DZANK1: variants seen among roughly 807,000 people sequenced by gnomAD.
DZANK1 encodes double zinc ribbon and ankyrin repeat domains 1.
DZANK1 carries 91 observed loss-of-function variants against 94.5 expected under a neutral mutation model. The ratio of observed to expected loss-of-function variants is 0.96; its 90% CI spans 0.81 to 1.15. DZANK1 has a LOEUF of 1.15. Among genes scored for constraint, DZANK1 ranks in the 50% most tolerant of loss-of-function variants. DZANK1 has a pLI of 0.00. For missense variants in DZANK1, 903 were observed against 916.4 expected (o/e 0.99, Z 0.19); for synonymous variants, 312 against 325.3 (o/e 0.96, Z 0.44).
intron 8 of DZANK1, 140 bp downstream of exon 8, chr20:18,443,207 G>A (rs1006511427): frequency 6.0e-6 from 4 of 666,562 alleles, no homozygotes; most frequent in Non-Finnish European, 1.1e-5. Context: ...TTAAGTAGGA[G>A]TGTGTAAGAG....
At chr20:18,436,320 T>C (rs1040572327) in intron 8 of DZANK1, among the ~76,000 whole-genome samples, 7 of 150,522 alleles carry the variant, frequency 4.7e-5, no homozygotes, top group African/African-American at 1.7e-4. Context: ...GGCGGGCGCC[T>C]GTAGTCCCAG....
intron 7 of DZANK1, among the ~76,000 whole-genome samples, chr20:18,444,967 AT>A (rs918348204): frequency 1.6e-3 from 230 of 144,584 alleles, no homozygotes; most frequent in Middle Eastern, 7.1e-3. Context: ...AGCCCGGCTA[AT>A]TTTTTTTTTT....
chr20:18,405,786 G>T (rs2056930033), intron 13 of DZANK1, among the ~76,000 whole-genome samples: 1 of 152,218 alleles, frequency 6.6e-6, no homozygotes, highest in Non-Finnish European at 1.5e-5. Flanking sequence ...AAGAGGCATC[G>T]AGAAGGGCAG....
chr20:18,413,514 G>A (rs1194287161), intron 12 of DZANK1, among the ~76,000 whole-genome samples: 1 of 152,168 alleles, frequency 6.6e-6, no homozygotes, highest in Non-Finnish European at 1.5e-5. Context: ...GGGCATGGTG[G>A]CTCATGCCTG....
chr20:18,395,405 T>G (rs1245338480), intron 15 of DZANK1, among the ~76,000 whole-genome samples: 2 of 152,132 alleles, frequency 1.3e-5, no homozygotes, highest in African/African-American at 4.8e-5. Flanking sequence ...AACAATGACC[T>G]GGGAACAGTT....
exon 10 of DZANK1, chr20:18,427,074 G>A: frequency 6.2e-7 from 1 of 1,609,612 alleles, no homozygotes; most frequent in East Asian, 2.2e-5. Flanking sequence ...TACCTCTTGT[G>A]ATGAAGGCAG....
chr20:18,424,752 A>G (rs1022290869), intron 10 of DZANK1, among the ~76,000 whole-genome samples: 2 of 152,202 alleles, frequency 1.3e-5, no homozygotes, highest in Non-Finnish European at 2.9e-5. Context: ...CCACACAGAG[A>G]TTTGCATGTA....
rs1388031286 is a variant in DZANK1, at chr20:18,384,432, A to G, written c.2226T>C (p.Ala742=). Residue 742 remains alanine, a synonymous_variant, in exon 21 of 21, where the codon GCT becomes GCC. Transcript: ENST00000262547. ...CATCCAGGCTGAGGCTCCTAGTTTG[A>G]GCGAGTTGGTCCTCAAGCCCTTGGC... The G allele has an allele frequency of 4.3e-6, 7 of 1,611,610 alleles. No individual in the cohort carries two copies. The East Asian group carries it at 1.6e-4, about 36-fold the overall frequency.
chr20:18,431,395 C>A (rs2058279252), intron 9 of DZANK1, among the ~76,000 whole-genome samples: 1 of 152,072 alleles, frequency 6.6e-6, no homozygotes, highest in South Asian at 2.1e-4. Context: ...AGAAAGGGGA[C>A]GGGAGCTGTC....
chr20:18,418,457 T>G (rs1211802355), intron 10 of DZANK1, among the ~76,000 whole-genome samples: 1 of 152,350 alleles, frequency 6.6e-6, no homozygotes, highest in East Asian at 1.9e-4. Context: ...AATATCTGAA[T>G]GGAGACCAAA....
chr20:18,414,651 A>G (rs568907832), intron 11 of DZANK1, 139 bp from the exon 12 acceptor site: 2 of 1,047,280 alleles, frequency 1.9e-6, no homozygotes, highest in Admixed American at 2.7e-5. Context: ...CTACAGATGG[A>G]CAAGTACAGA....
chr20:18,457,655 G>A (rs1179872603), intron 3 of DZANK1, among the ~76,000 whole-genome samples: 1 of 152,134 alleles, frequency 6.6e-6, no homozygotes, highest in African/African-American at 2.4e-5. Flanking sequence ...GGCCCAACCT[G>A]ACTGGCCAAC....
exon 21 of DZANK1, chr20:18,383,811 T>C (rs2048324171): frequency 6.6e-6 from 1 of 152,282 alleles, no homozygotes; most frequent in Non-Finnish European, 1.5e-5. Context: ...TGTGCAATTA[T>C]TACCTATTGA....
intron 2 of DZANK1, among the ~76,000 whole-genome samples, chr20:18,462,887 A>G (rs1247514668): frequency 6.8e-6 from 1 of 147,472 alleles, no homozygotes; most frequent in African/African-American, 2.5e-5. Context: ...GCAGTGACCC[A>G]AGATTGCATC....
chr20:18,415,256 G>T, intron 11 of DZANK1, 71 bp downstream of exon 11: 3 of 1,327,976 alleles, frequency 2.3e-6, no homozygotes, highest in Non-Finnish European at 2.9e-6. Context: ...GGCCATGGAA[G>T]AAGTGCCTGG....
chr20:18,429,694 G>C (rs960269428), intron 9 of DZANK1, among the ~76,000 whole-genome samples: 1 of 152,178 alleles, frequency 6.6e-6, no homozygotes, highest in African/African-American at 2.4e-5. Context: ...CTATGAACTT[G>C]TCTAAGTGAT....
chr20:18,389,971 G>T, intron 18 of DZANK1, 143 bp from the exon 19 acceptor site: 1 of 1,303,626 alleles, frequency 7.7e-7, no homozygotes. Context: ...GGAGAATCAG[G>T]AACCTCAAGA....
exon 4 of DZANK1, chr20:18,455,293 G>A (rs756437102): frequency 1.4e-5 from 23 of 1,609,738 alleles, no homozygotes; most frequent in East Asian, 2.2e-5. Context: ...GTCTTCAGGA[G>A]AGACTATATT....
At chr20:18,458,474 T>G (rs1303261911) in intron 3 of DZANK1, among the ~76,000 whole-genome samples, 1 of 152,200 alleles carries the variant, frequency 6.6e-6, no homozygotes, top group African/African-American at 2.4e-5. Flanking sequence ...TTCTTAGAAT[T>G]TTTTTCTCCA....
Sources: allele counts gnomAD v4.1 joint callset (sites outside exome capture counted in the v4.1 genomes callset), GRCh38; gene constraint gnomAD v4.1.1; transcripts MANE v1.5; gene names NCBI Gene and HGNC (gene_info 2026-07-23, HGNC 2026-07-21).